DCTN1: variants seen among roughly 807,000 people sequenced by gnomAD.
The protein encoded by DCTN1 is dynactin subunit 1.
A neutral mutation model predicts 161.2 loss-of-function variants in DCTN1; 61 were observed. The observed-to-expected ratio is 0.38, with a 90% CI of 0.31 to 0.47. DCTN1 has a LOEUF of 0.47. DCTN1 is among the 20% of genes least tolerant of loss of function. The pLI is 0.99. For missense variants in DCTN1, 1,404 were observed against 1,623.7 expected (o/e 0.86, Z 2.33); for synonymous variants, 653 against 632.4 (o/e 1.03, Z -0.49).
chr2:74,373,420 C>T, intron 6 of DCTN1: 1 of 226,600 alleles, frequency 4.4e-6, no homozygotes, highest in Non-Finnish European at 9.0e-6. Context: ...CTAGAAACCC[C>T]ATGTGACGAG....
At chr2:74,368,913 C>A in intron 15 of DCTN1, 33 bp from the exon 16 acceptor site, 1 of 1,613,574 alleles carries the variant, frequency 6.2e-7, no homozygotes, top group Non-Finnish European at 8.5e-7. Context: ...GACTCTTAGC[C>A]AGAGCTGAAA....
chr2:74,391,766 G>C (rs1271322908), intron 1 of DCTN1: 1 of 453,360 alleles, frequency 2.2e-6, no homozygotes, highest in Non-Finnish European at 4.4e-6. Context: ...CGGCGGAGCA[G>C]ACGGTTGGCA....
rs372096285 is a variant in DCTN1, at chr2:74,374,331, C to A, written c.424G>T (p.Ala142Ser). The A allele has an allele frequency of 1.2e-6, 2 of 1,613,344 alleles. No homozygotes were observed. Among genetic ancestry groups the A allele is most frequent in the African/African-American group, 2.7e-5 (2 of 74,790 alleles). ...AGAGCAAGCAAGAGTACCTTTCGGG[C>A]TGTCGGTGCCTGTCTCATCATTGCA... ...RGLKPKKAPT[A>S]RKTTTRRPKP... Residue 142 changes from alanine (A) to serine (S), a missense_variant, in exon 6 of 32, where the codon GCC becomes TCC. Physicochemically the swap from Ala to Ser is moderately conservative, Grantham distance 99. This residue lies in a region of DCTN1 where 174 missense variants were observed against 175.6 expected (regional missense o/e 0.99). Coordinates refer to ENST00000628224, the MANE Select transcript of DCTN1 (RefSeq NM_004082.5).
At chr2:74,391,694 G>C in intron 1 of DCTN1, 3 of 412,818 alleles carry the variant, frequency 7.3e-6, no homozygotes, top group Non-Finnish European at 1.5e-5. Context: ...GCCAGTCCCC[G>C]CCCCGCACAC....
At chr2:74,372,851 C>T in intron 7 of DCTN1, 77 bp downstream of exon 7, 8 of 1,412,486 alleles carry the variant, frequency 5.7e-6, no homozygotes, top group Admixed American at 1.7e-5. Flanking sequence ...TGCTCATACA[C>T]GTGCCCTCAT....
Position 74,362,823 on chromosome 2 carries a change from C to T in DCTN1, c.3530-94G>A, listed in dbSNP as rs756664147. On this transcript the variant is annotated intron_variant, in intron 29 of 31. Transcript: ENST00000628224. Reference sequence around the variant, plus strand: ...GGGGTGCAGGTATAAGACTCTCTAACAGAACAAGTACTTGAGAGAGAGTGG... The same window carrying T: ...GGGGTGCAGGTATAAGACTCTCTAATAGAACAAGTACTTGAGAGAGAGTGG... The T allele has an allele frequency of 2.2e-6, 3 of 1,353,770 alleles. No individual in the cohort carries two copies. In the South Asian group the frequency reaches 3.7e-5, roughly 17 times the overall value. 83.9% of individuals were successfully genotyped at this position (1,353,770 alleles called of 1,614,324 possible). A position where few individuals can be genotyped will look rare whatever the true frequency, so the allele number is the denominator to read the frequency against.
rs1674478166 is a variant in DCTN1 at position 74,367,115 on chromosome 2, G to A, written c.2254-8C>T. 2 of 1,614,146 alleles carry A rather than the reference G, an allele frequency of 1.2e-6. No homozygotes were observed. The highest frequency in any genetic ancestry group is 2.2e-5 in the East Asian group (1 of 44,888). On this transcript the variant is annotated splice_region_variant and splice_polypyrimidine_tract_variant and intron_variant, in intron 19 of 31. Transcript: ENST00000628224. ...CAGAGCACTCTGCGTGAACTGTGAG[G>A]ATAGAAGCATGCAATCATCAGCCCC...
chr2:74,375,823 A>G (rs1675189131), intron 5 of DCTN1, among the ~76,000 whole-genome samples: 1 of 152,064 alleles, frequency 6.6e-6, no homozygotes, highest in African/African-American at 2.4e-5. Context: ...CCCATCACCA[A>G]CCAGGAGCTG....
At chr2:74,374,580 C>A in intron 5 of DCTN1, 1 of 1,310,832 alleles carries the variant, frequency 7.6e-7, no homozygotes, top group Middle Eastern at 3.1e-4. Flanking sequence ...GAGGCCCCCG[C>A]AGACGTGCAG....
intron 1 of DCTN1, among the ~76,000 whole-genome samples, chr2:74,388,845 T>C (rs915798464): frequency 4.1e-4 from 63 of 151,950 alleles, no homozygotes; most frequent in African/African-American, 1.5e-3. Context: ...TCCCTGAGAG[T>C]AGCTCCACTC....
In DCTN1 at chr2:74,363,658, G is replaced by A. The variant is rs1674192039; in HGVS notation, c.3197-30C>T. The stretch of plus-strand genomic sequence containing the variant: ...GCTCGGGATAGCCCATGGGGGAGCA[G>A]GAAAAGAGGAGAGAGGAGTTAGGTG... On this transcript the variant is annotated intron_variant, in intron 26 of 31. Transcript: ENST00000628224. The A allele has an allele frequency of 5.0e-6, 8 of 1,613,024 alleles. No homozygotes were observed. In the South Asian group the frequency reaches 6.6e-5, roughly 13 times the overall value.
chr2:74,390,301 TTTGA>T (rs572324684), intron 1 of DCTN1, among the ~76,000 whole-genome samples: 166 of 152,358 alleles, frequency 1.1e-3, no homozygotes, highest in African/African-American at 3.8e-3. Flanking sequence ...TTCTTTCCTG[TTTGA>T]TTGTTAAGAG....
At chr2:74,363,958 G>T in intron 26 of DCTN1, 1 of 437,580 alleles carries the variant, frequency 2.3e-6, no homozygotes, top group Non-Finnish European at 4.3e-6. Context: ...TCCAAGAAGG[G>T]CACGGAGAAT....
At position 74,361,639 on chromosome 2, in the gene DCTN1, G is replaced by A. The variant is rs747435830; in HGVS notation, c.3700-3C>T. The A allele has an allele frequency of 3.1e-6, 5 of 1,614,114 alleles. No individual in the cohort carries two copies. Among genetic ancestry groups the A allele is most frequent in the Middle Eastern group, 1.6e-4 (1 of 6,062 alleles). On this transcript the variant is annotated splice_polypyrimidine_tract_variant and splice_region_variant and intron_variant, in intron 31 of 31. Coordinates refer to ENST00000628224, the MANE Select transcript of DCTN1 (RefSeq NM_004082.5). ...TCATCCTGCTGCTCCTCCTTGGCCT[G>A]GTGGTTGATGAGGAGAAAAAGACTC...
At chr2:74,363,669 G>A (rs1674192646) in intron 26 of DCTN1, 41 bp from the exon 27 acceptor site, 2 of 1,612,540 alleles carry the variant, frequency 1.2e-6, no homozygotes, top group African/African-American at 1.3e-5. Context: ...GAAAAGAGGA[G>A]AGAGGAGTTA....
At chr2:74,373,691 T>C (rs1346600207) in intron 6 of DCTN1, among the ~76,000 whole-genome samples, 2 of 152,168 alleles carry the variant, frequency 1.3e-5, no homozygotes. Flanking sequence ...TACTGCAAAA[T>C]GGTAAGTGGA....
At chr2:74,363,203 G>A in intron 28 of DCTN1, 26 bp from the exon 29 acceptor site, 1 of 1,614,028 alleles carries the variant, frequency 6.2e-7, no homozygotes, top group South Asian at 1.1e-5. Flanking sequence ...GAAGGATAGT[G>A]GTAAGAGGTG....
chr2:74,365,687 G>T (rs889082520), intron 24 of DCTN1, 30 bp from the exon 25 acceptor site: 2 of 1,613,878 alleles, frequency 1.2e-6, no homozygotes, highest in Middle Eastern at 3.3e-4. Flanking sequence ...CTAGATCCCT[G>T]ACATCCTCCC....
intron 5 of DCTN1, 97 bp downstream of exon 5, chr2:74,376,643 TCA>T: frequency 1.7e-6 from 2 of 1,197,980 alleles, no homozygotes; most frequent in Non-Finnish European, 1.2e-6. Flanking sequence ...CAGCCCAAGG[TCA>T]CACACACATG....
Sources: gnomAD v4.1 joint callset for allele counts (sites outside exome capture counted in the v4.1 genomes callset) on GRCh38, gnomAD v4.1.1 for gene constraint, gnomAD v4.1.1 regional missense constraint, MANE v1.5 for transcripts, NCBI Gene and HGNC (gene_info 2026-07-23, HGNC 2026-07-21) for gene names.